ANXA13: variants seen among roughly 807,000 people sequenced by gnomAD.
ANXA13 encodes the protein annexin XIII.
Under a neutral mutation model 46.6 loss-of-function variants are expected in ANXA13, and 36 were observed. The ratio of observed to expected loss-of-function variants is 0.77; its 90% CI spans 0.59 to 1.02. The LOEUF (loss-of-function observed/expected upper bound fraction) is 1.02, where lower values mean the gene tolerates loss of function less well. Ranked by LOEUF, ANXA13 falls within the 50% of genes least tolerant of loss-of-function variation. The pLI, the probability that ANXA13 is intolerant of heterozygous loss-of-function variation, is 0.00. For synonymous variants in ANXA13, 163 were observed against 152.9 expected (o/e 1.07, Z -0.49); for missense variants, 417 against 396.5 (o/e 1.05, Z -0.44).
intron 2 of ANXA13, among the ~76,000 whole-genome samples, chr8:123,709,309 C>T (rs1813608256): frequency 6.6e-6 from 1 of 152,018 alleles, no homozygotes; most frequent in African/African-American, 2.4e-5. Context: ...CACATTCACT[C>T]TCCCTCCCTC....
chr8:123,684,477 T>C, intron 10 of ANXA13, 133 bp downstream of exon 10: 1 of 629,104 alleles, frequency 1.6e-6, no homozygotes, highest in Non-Finnish European at 2.9e-6. Context: ...CTGCAAATTC[T>C]GGGAAGGCAA....
At chr8:123,709,831 C>A (rs1358445307) in intron 2 of ANXA13, among the ~76,000 whole-genome samples, 2 of 152,136 alleles carry the variant, frequency 1.3e-5, no homozygotes, top group Non-Finnish European at 2.9e-5. Flanking sequence ...CATCTCAGCT[C>A]AACTGCAATC....
chr8:123,702,628 A>G lies in ANXA13; in HGVS notation c.186+14T>C. On this transcript the variant is annotated intron_variant, in intron 3 of 10. Coordinates refer to ENST00000419625, the MANE Select transcript of ANXA13 (RefSeq NM_004306.4). ...ATGGCTGGGTGCAAGCTTGCTGACCACCCCTGGAATCACCTTGCCGTACGT... is the reference window on the plus strand; with the variant it reads ...ATGGCTGGGTGCAAGCTTGCTGACCGCCCCTGGAATCACCTTGCCGTACGT... 1 of 1,611,836 alleles carries G rather than the reference A, an allele frequency of 6.2e-7. No homozygotes were observed. Among genetic ancestry groups the G allele is most frequent in the South Asian group, 1.1e-5 (1 of 90,998 alleles).
At chr8:123,713,816 C>T in intron 1 of ANXA13, among the ~76,000 whole-genome samples, 1 of 152,148 alleles carries the variant, frequency 6.6e-6, no homozygotes, top group East Asian at 1.9e-4. Flanking sequence ...GCCTCAGCCT[C>T]CCCATAGCTG....
At chr8:123,687,748 G>A (rs1813166883) in intron 9 of ANXA13, among the ~76,000 whole-genome samples, 1 of 152,158 alleles carries the variant, frequency 6.6e-6, no homozygotes, top group African/African-American at 2.4e-5. Context: ...CATTCCTTCT[G>A]CCATTTGGGT....
At chr8:123,728,277 GT>G (rs1433071156) in intron 1 of ANXA13, 2 of 152,196 alleles carry the variant, frequency 1.3e-5, no homozygotes, top group Non-Finnish European at 2.9e-5. Flanking sequence ...CCTCTGAAGA[GT>G]GCTAAACTTC....
At chr8:123,709,441 T>C (rs1813612444) in intron 2 of ANXA13, among the ~76,000 whole-genome samples, 1 of 151,848 alleles carries the variant, frequency 6.6e-6, no homozygotes, top group Non-Finnish European at 1.5e-5. Flanking sequence ...TTCTTTCTTT[T>C]CCTCCCTCCT....
intron 1 of ANXA13, among the ~76,000 whole-genome samples, chr8:123,721,963 GT>G (rs1813881764): frequency 6.6e-6 from 1 of 152,040 alleles, no homozygotes; most frequent in African/African-American, 2.4e-5. Context: ...TCATTAATGG[GT>G]TTTTGGGGTT....
intron 1 of ANXA13, among the ~76,000 whole-genome samples, chr8:123,732,152 CA>C (rs1279962617): frequency 6.6e-6 from 1 of 152,146 alleles, no homozygotes; most frequent in African/African-American, 2.4e-5. Flanking sequence ...TGCCTAAATC[CA>C]AATCTGTGCT....
chr8:123,711,460 C>T (rs377054218), intron 2 of ANXA13, among the ~76,000 whole-genome samples: 4 of 152,106 alleles, frequency 2.6e-5, no homozygotes, highest in African/African-American at 7.2e-5. Context: ...ATGCTGTCTC[C>T]CTCATCCCAC....
intron 6 of ANXA13, among the ~76,000 whole-genome samples, 170 bp from the exon 7 acceptor site, chr8:123,693,949 A>G (rs1400683878): frequency 1.3e-5 from 2 of 151,904 alleles, no homozygotes; most frequent in Non-Finnish European, 2.9e-5. Flanking sequence ...TTTGGGCACA[A>G]TGGATAAACA....
At chr8:123,697,436 A>C (rs1813361926) in intron 4 of ANXA13, among the ~76,000 whole-genome samples, 1 of 152,078 alleles carries the variant, frequency 6.6e-6, no homozygotes, top group African/African-American at 2.4e-5. Context: ...GATTTTTATT[A>C]TCTTGTGGGG....
intron 2 of ANXA13, 100 bp from the exon 3 acceptor site, chr8:123,702,836 G>A: frequency 9.7e-7 from 1 of 1,031,462 alleles, no homozygotes; most frequent in Non-Finnish European, 1.5e-6. Context: ...CAGCTTAAAG[G>A]TGGTTGGAGG....
chr8:123,725,728 A>G (rs1285023605), intron 1 of ANXA13, among the ~76,000 whole-genome samples: 1 of 152,206 alleles, frequency 6.6e-6, no homozygotes, highest in African/African-American at 2.4e-5. Flanking sequence ...TTTGAATACG[A>G]ATATTTGGTA....
intron 1 of ANXA13, among the ~76,000 whole-genome samples, chr8:123,725,857 C>CG (rs1413310979): frequency 1.3e-5 from 2 of 152,106 alleles, no homozygotes; most frequent in African/African-American, 4.8e-5. Context: ...TATTAATCTG[C>CG]GGGGGTTGAT....
intron 2 of ANXA13, among the ~76,000 whole-genome samples, chr8:123,704,521 C>A (rs370945160): frequency 6.6e-6 from 1 of 151,912 alleles, no homozygotes; most frequent in Non-Finnish European, 1.5e-5. Flanking sequence ...CTCAGCCTCC[C>A]GAGTAGCTGG....
intron 1 of ANXA13, among the ~76,000 whole-genome samples, chr8:123,732,159 G>T (rs552679814): frequency 1.3e-5 from 2 of 152,146 alleles, no homozygotes; most frequent in African/African-American, 2.4e-5. Context: ...ATCCAAATCT[G>T]TGCTTGACCT....
chr8:123,712,801 A>G, intron 1 of ANXA13, 48 bp from the exon 2 acceptor site: 1 of 1,552,964 alleles, frequency 6.4e-7, no homozygotes, highest in Non-Finnish European at 8.9e-7. Context: ...CGCATTCCTA[A>G]ATGATCTCTG....
intron 1 of ANXA13, among the ~76,000 whole-genome samples, chr8:123,727,433 G>T (rs148930697): frequency 6.6e-6 from 1 of 152,192 alleles, no homozygotes; most frequent in East Asian, 1.9e-4. Flanking sequence ...ACATTCTGAG[G>T]ACATCTGCCC....
Sources: gnomAD v4.1 joint callset for allele counts (sites outside exome capture counted in the v4.1 genomes callset) on GRCh38, gnomAD v4.1.1 for gene constraint, MANE v1.5 for transcripts, NCBI Gene and HGNC (gene_info 2026-07-23, HGNC 2026-07-21) for gene names.